GSE1: variants seen among roughly 807,000 people sequenced by gnomAD.
The protein encoded by GSE1 is genetic suppressor element 1.
In GSE1, 32 loss-of-function variants were observed where a neutral mutation model predicts 112.6. The observed-to-expected ratio is 0.28, with a 90% CI of 0.21 to 0.38. GSE1 has a LOEUF of 0.38. GSE1 is among the 10% of genes least tolerant of loss of function. The pLI, the probability that GSE1 is intolerant of heterozygous loss-of-function variation, is 1.00. For missense variants in GSE1, 2,348 were observed against 1,699.2 expected (o/e 1.38, Z -6.71); for synonymous variants, 1,115 against 735.6 (o/e 1.52, Z -8.35).
chr16:85,628,601 A>G (rs1598441376), intron 1 of GSE1, among the ~76,000 whole-genome samples: 1 of 151,880 alleles, frequency 6.6e-6, no homozygotes, highest in Admixed American at 6.5e-5. Flanking sequence ...CTGCAGGGAC[A>G]CCCCAGTTCC....
chr16:85,306,228 C>T (rs1020988126), intron 1 of GSE1: 1 of 154,232 alleles, frequency 6.5e-6, no homozygotes, highest in Non-Finnish European at 1.5e-5. Context: ...CAGTCCAGCC[C>T]TGGCTGTGCT....
intron 1 of GSE1, among the ~76,000 whole-genome samples, chr16:85,273,745 A>G (rs929928043): frequency 1.3e-5 from 2 of 152,014 alleles, no homozygotes; most frequent in East Asian, 3.9e-4. Flanking sequence ...TCTGGAGTGC[A>G]GTGGTGCGAT....
At chr16:85,567,969 C>T (rs1289291484) in intron 1 of GSE1, among the ~76,000 whole-genome samples, 1 of 152,180 alleles carries the variant, frequency 6.6e-6, no homozygotes, top group African/African-American at 2.4e-5. Flanking sequence ...AGTGATCCTC[C>T]TGCCCCAGCC....
rs1428348983 is a variant in GSE1, at chr16:85,464,262, G to T, written c.2464+106619G>T. 2.6e-5 allele frequency among the ~76,000 whole-genome samples: 4 copies of T among 152,288 alleles called. No homozygotes were observed. In the East Asian group the frequency reaches 7.7e-4, roughly 29 times the overall value. On this transcript the variant is annotated intron_variant, in intron 2 of 2. Coordinates refer to the GSE1 transcript ENST00000637419. ...GCGAACGGTTGATGATTATAGTCCA[G>T]TGGGTAGAAAGAGCTTAAAACAAAT...
At chr16:85,233,784 T>G (rs1031779685) in intron 1 of GSE1, among the ~76,000 whole-genome samples, 3 of 152,182 alleles carry the variant, frequency 2.0e-5, no homozygotes, top group Admixed American at 2.0e-4. Flanking sequence ...GCTGGCACTT[T>G]GCTGGCCTCC....
chr16:85,248,183 A>AC (rs919921025), intron 1 of GSE1, among the ~76,000 whole-genome samples: 6 of 151,706 alleles, frequency 4.0e-5, no homozygotes, highest in African/African-American at 1.5e-4. Context: ...TGGGCTTGGG[A>AC]CCCCCAGATC....
At chr16:85,464,563 G>C (rs2151831429) in intron 2 of GSE1, among the ~76,000 whole-genome samples, 1 of 152,334 alleles carries the variant, frequency 6.6e-6, no homozygotes, top group South Asian at 2.1e-4. Context: ...GCGGTGTCTG[G>C]GAGTCTCTGT....
intron 2 of GSE1, among the ~76,000 whole-genome samples, chr16:85,532,318 T>C (rs2044164006): frequency 6.6e-6 from 1 of 152,196 alleles, no homozygotes; most frequent in East Asian, 1.9e-4. Flanking sequence ...TGCAGTGTTG[T>C]GGTACAATCA....
chr16:85,414,525 A>T (rs1415086476), intron 2 of GSE1, among the ~76,000 whole-genome samples: 1 of 152,224 alleles, frequency 6.6e-6, no homozygotes, highest in Admixed American at 6.5e-5. Flanking sequence ...CGTGGGTCCC[A>T]ACACCCACGC....
At chr16:85,356,783 C>G (rs184142350) in intron 1 of GSE1, among the ~76,000 whole-genome samples, 1 of 152,208 alleles carries the variant, frequency 6.6e-6, no homozygotes, top group Non-Finnish European at 1.5e-5. Flanking sequence ...GGAGCCACCG[C>G]GCCTGGCCTG....
chr16:85,331,353 G>A (rs1488105707), intron 1 of GSE1, among the ~76,000 whole-genome samples: 21 of 71,806 alleles, frequency 2.9e-4, no homozygotes, highest in African/African-American at 7.3e-4. Context: ...GTGTGTGTGT[G>A]TGTGTGTGTG....
At chr16:85,260,700 T>C (rs1907597985) in intron 1 of GSE1, among the ~76,000 whole-genome samples, 2 of 152,206 alleles carry the variant, frequency 1.3e-5, no homozygotes, top group South Asian at 2.1e-4. Context: ...ACAGGGCCCT[T>C]TCTGGCCCCC....
intron 1 of GSE1, among the ~76,000 whole-genome samples, chr16:85,314,130 G>A: frequency 6.6e-6 from 1 of 152,128 alleles, no homozygotes; most frequent in Non-Finnish European, 1.5e-5. Context: ...ACACAGCCTA[G>A]CTCAGAGAAG....
rs573640196 is a variant in GSE1, at chr16:85,447,584, C to T, written c.2464+89941C>T. Among the ~76,000 whole-genome samples the T allele has an allele frequency of 1.1e-3, 170 of 152,328 alleles. 1 individual carries two copies. Among genetic ancestry groups the T allele is most frequent in the Middle Eastern group, 3.4e-3 (1 of 294 alleles). ...CACCATCATGGGCCAGGCGCCTGCT[C>T]CGTGCCTGTTTCCTCATTTCACCCT... On this transcript the variant is annotated intron_variant, in intron 2 of 2. Transcript: ENST00000637419.
chr16:85,504,221 C>G (rs1300793070), intron 2 of GSE1, among the ~76,000 whole-genome samples: 1 of 152,218 alleles, frequency 6.6e-6, no homozygotes. Context: ...GGGTGTGGAC[C>G]GTCCCTGAGG....
intron 2 of GSE1, among the ~76,000 whole-genome samples, chr16:85,366,261 G>A (rs2047183307): frequency 6.6e-6 from 1 of 152,256 alleles, no homozygotes; most frequent in African/African-American, 2.4e-5. Flanking sequence ...AGCTGCTCCG[G>A]AGGGCACGGG....
intron 1 of GSE1, among the ~76,000 whole-genome samples, chr16:85,615,161 G>C (rs557855805): frequency 1.3e-5 from 2 of 152,306 alleles, no homozygotes; most frequent in African/African-American, 4.8e-5. Context: ...TCCACCAGCA[G>C]GGACGGCAGA....
chr16:85,246,188 C>T (rs1452384504), intron 1 of GSE1, among the ~76,000 whole-genome samples: 1 of 138,610 alleles, frequency 7.2e-6, no homozygotes, highest in Non-Finnish European at 1.5e-5. Flanking sequence ...GATGCCCCAG[C>T]TTCAGGGACC....
At position 85,613,963 on chromosome 16, in the gene GSE1, C is replaced by T. The variant is rs1005165577; in HGVS notation, c.7+565C>T. ...GTCTCGGGGGAGTTGGTCGGGAGGG[C>T]GGGACCGCAGCCTGCCGGGTTTGTG... On this transcript the variant is annotated intron_variant, in intron 1 of 15. Coordinates refer to ENST00000253458, the MANE Select transcript of GSE1 (RefSeq NM_014615.5). 6.6e-5 allele frequency among the ~76,000 whole-genome samples: 10 copies of T among 150,410 alleles called. 1 individual carries two copies. In the East Asian group the frequency reaches 1.6e-3, roughly 24 times the overall value.
Sources: allele counts gnomAD v4.1 joint callset (sites outside exome capture counted in the v4.1 genomes callset), GRCh38; gene constraint gnomAD v4.1.1; transcripts MANE v1.5; gene names NCBI Gene and HGNC (gene_info 2026-07-23, HGNC 2026-07-21).